ATP8B2: variants seen among roughly 807,000 people sequenced by gnomAD.
ATP8B2 encodes ATPase phospholipid transporting 8B2, also known as phospholipid-transporting ATPase ID.
Under a neutral mutation model 133.4 loss-of-function variants are expected in ATP8B2, and 70 were observed. The ratio of observed to expected loss-of-function variants is 0.52; its 90% CI spans 0.43 to 0.64. The LOEUF (loss-of-function observed/expected upper bound fraction) is 0.64. Ranked by LOEUF, ATP8B2 falls within the 30% of genes least tolerant of loss-of-function variation. ATP8B2 has a pLI of 0.00. For missense variants in ATP8B2, 1,101 were observed against 1,535.7 expected, an observed-to-expected ratio of 0.72 and a Z score of 4.73; for synonymous variants, 517 against 589.5, an observed-to-expected ratio of 0.88 and a Z score of 1.78.
intron 2 of ATP8B2, chr1:154,329,209 G>C (rs1264912595): frequency 1.2e-6 from 1 of 859,788 alleles, no homozygotes; most frequent in East Asian, 8.0e-5. Context: ...GGCTCCGAAG[G>C]ATCCAGTCCC....
Position 154,328,984 on chromosome 1 carries a change from G to C in ATP8B2, c.31+812G>C. The C allele has an allele frequency of 7.7e-7, 1 of 1,304,132 alleles. No individual in the cohort carries two copies. The highest frequency in any genetic ancestry group is 1.0e-6 in the Non-Finnish European group (1 of 988,884). 80.8% of individuals were successfully genotyped at this position (1,304,132 alleles called of 1,614,324 possible). On this transcript the variant is annotated intron_variant, in intron 2 of 27. Coordinates refer to ENST00000368489, the MANE Select transcript of ATP8B2 (RefSeq NM_001370597.1). This position sits in a 1 kb window ranked among gnomAD's most constrained non-coding sequence, Gnocchi z 4.6. ...GTCTGCCCTCCCCCACTCAAACCGG[G>C]ATCATGACGGTCCCCAAGGAGATGC...
rs1686699394 is a variant in ATP8B2, at chr1:154,349,068, G to A, written c.3523G>A (p.Asp1175Asn). The A allele has an allele frequency of 6.2e-7, 1 of 1,614,232 alleles. No homozygotes were observed. Among genetic ancestry groups the A allele is most frequent in the East Asian group, 2.2e-5 (1 of 44,878 alleles). ...WIESLRRKKS[D>N]SASSPSGGAD... ...TGAGAGCCTGCGCAGGAAGAAGAGT[G>A]ACAGTGCCAGTAGCCCCAGTGGCGG... The change falls in exon 28 of 28, where the codon GAC (aspartate) becomes AAC (asparagine). Residue 1175 changes from aspartate (D) to asparagine (N), a missense_variant. Asp to Asn is a conservative substitution (Grantham distance 23). Coordinates refer to ENST00000368489, the MANE Select transcript of ATP8B2 (RefSeq NM_001370597.1).
Position 154,344,263 on chromosome 1 carries a change from C to T in ATP8B2, c.2035+9C>T, listed in dbSNP as rs755441999. 1.9e-6 allele frequency: 3 copies of T among 1,614,172 alleles called. No homozygotes were observed. The highest frequency in any genetic ancestry group is 2.5e-6 in the Non-Finnish European group (3 of 1,180,032). Reference sequence around the variant, plus strand: ...AACCGGAGACAAGCAAGGTGAGAGCCCAGCAGGGCAGAGCCAGTTGCAACT... The same window carrying T: ...AACCGGAGACAAGCAAGGTGAGAGCTCAGCAGGGCAGAGCCAGTTGCAACT... On this transcript the variant is annotated intron_variant, in intron 19 of 27. Coordinates refer to ENST00000368489, the MANE Select transcript of ATP8B2 (RefSeq NM_001370597.1). The surrounding 1 kb of genome is among the most constrained non-coding windows in gnomAD (Gnocchi z 4.1).
Position 154,331,244 on chromosome 1 carries a change from G to A in ATP8B2, c.303+98G>A. 1 of 1,231,260 alleles carries A rather than the reference G, an allele frequency of 8.1e-7. No individual in the cohort carries two copies. The highest frequency in any genetic ancestry group is 1.2e-6 in the Non-Finnish European group (1 of 867,300). The allele number at this position is 1,231,260 out of a possible 1,614,324, so 76.3% of individuals were successfully genotyped here. ...CCACCTTCATCCAGCACAATTTCTT[G>A]GTGACCTTGACATCCCTTACCCGGT... On this transcript the variant is annotated intron_variant, in intron 5 of 27. Coordinates refer to ENST00000368489, the MANE Select transcript of ATP8B2 (RefSeq NM_001370597.1). The surrounding 1 kb of genome is among the most constrained non-coding windows in gnomAD (Gnocchi z 4.8).
Position 154,328,188 on chromosome 1 carries a change from A to C in ATP8B2, c.31+16A>C, listed in dbSNP as rs1420573291. On this transcript the variant is annotated intron_variant, in intron 2 of 27. Coordinates refer to ENST00000368489, the MANE Select transcript of ATP8B2 (RefSeq NM_001370597.1). This position sits in a 1 kb window ranked among gnomAD's most constrained non-coding sequence, Gnocchi z 4.6. ...CGCCCCCCAGGTAAGACAGGCAAGG[A>C]GGGGAGATCCCGGGAACCATCAAGA... 2 of 1,610,272 alleles carry C rather than the reference A, an allele frequency of 1.2e-6. No individual in the cohort carries two copies. The highest frequency in any genetic ancestry group is 1.7e-6 in the Non-Finnish European group (2 of 1,176,804).
chr1:154,343,850 C>A lies in ATP8B2; in HGVS notation c.1759-43C>A. On this transcript the variant is annotated intron_variant, in intron 17 of 27. Transcript: ENST00000368489. The surrounding 1 kb of genome is among the most constrained non-coding windows in gnomAD (Gnocchi z 5.8). The stretch of plus-strand genomic sequence containing the variant: ...TTGTCGCCCTCACGCTGTCCATTAG[C>A]TCTCCAGACTTACCCAGGTGTGCCT... 1 of 1,566,600 alleles carries A rather than the reference C, an allele frequency of 6.4e-7. No homozygotes were observed. Among genetic ancestry groups the A allele is most frequent in the Non-Finnish European group, 8.6e-7 (1 of 1,157,000 alleles).
Position 154,328,992 on chromosome 1 carries a change from C to T in ATP8B2, c.31+820C>T, listed in dbSNP as rs1473414018. 1 of 1,304,060 alleles carries T rather than the reference C, an allele frequency of 7.7e-7. No individual in the cohort carries two copies. Among genetic ancestry groups the T allele is most frequent in the South Asian group, 1.2e-5 (1 of 81,020 alleles). 80.8% of individuals were successfully genotyped at this position (1,304,060 alleles called of 1,614,324 possible). A position where few individuals can be genotyped will look rare whatever the true frequency, so the allele number is the denominator to read the frequency against. On this transcript the variant is annotated intron_variant, in intron 2 of 27. Coordinates refer to ENST00000368489, the MANE Select transcript of ATP8B2 (RefSeq NM_001370597.1). The surrounding 1 kb of genome is among the most constrained non-coding windows in gnomAD (Gnocchi z 4.6). ...TCCCCCACTCAAACCGGGATCATGACGGTCCCCAAGGAGATGCCCGAGAAG... is the reference window on the plus strand; with the variant it reads ...TCCCCCACTCAAACCGGGATCATGATGGTCCCCAAGGAGATGCCCGAGAAG...
rs1445739707 is a variant in ATP8B2 at position 154,334,876 on chromosome 1, G to C, written c.837+285G>C. On this transcript the variant is annotated intron_variant, in intron 11 of 27. Coordinates refer to ENST00000368489, the MANE Select transcript of ATP8B2 (RefSeq NM_001370597.1). The surrounding 1 kb of genome is among the most constrained non-coding windows in gnomAD (Gnocchi z 4.6). Reference sequence around the variant, plus strand: ...GACTTTGTGAAGCATGTGACCTTCTGTTTGCTTTTGCCAGGGACAAGGAGG... The same window carrying C: ...GACTTTGTGAAGCATGTGACCTTCTCTTTGCTTTTGCCAGGGACAAGGAGG... Among the ~76,000 whole-genome samples, 1 of 152,122 alleles carries C rather than the reference G, an allele frequency of 6.6e-6. No individual in the cohort carries two copies. Among genetic ancestry groups the C allele is most frequent in the Non-Finnish European group, 1.5e-5 (1 of 68,032 alleles).
rs1686361275 is a variant in ATP8B2, at chr1:154,340,984, A to G, written c.1165A>G (p.Ile389Val). 6.2e-7 allele frequency: 1 copy of G among 1,614,076 alleles called. No individual in the cohort carries two copies. Among genetic ancestry groups the G allele is most frequent in the African/African-American group, 1.3e-5 (1 of 74,930 alleles). ...CGAGGAGCTGGGCCAGGTGGAGTACATCTTCTCCGACAAGACGGGCACCCT... is the reference window on the plus strand; with the variant it reads ...CGAGGAGCTGGGCCAGGTGGAGTACGTCTTCTCCGACAAGACGGGCACCCT... ...LNEELGQVEY[I>V]FSDKTGTLTQ... is the part of the protein sequence containing the mutation. Residue 389 changes from isoleucine (I) to valine (V), a missense_variant, in exon 13 of 28, where the codon ATC (isoleucine) becomes GTC (valine). By Grantham distance (29) the Ile-to-Val change is conservative. Transcript: ENST00000368489. The surrounding 1 kb of genome is among the most constrained non-coding windows in gnomAD (Gnocchi z 4.0).
chr1:154,339,664 G>A (rs970458471), intron 12 of ATP8B2, among the ~76,000 whole-genome samples: 2 of 152,172 alleles, frequency 1.3e-5, no homozygotes, highest in African/African-American at 2.4e-5. Flanking sequence ...GAGGCTAAGA[G>A]GGGGTTGAAG....
chr1:154,336,113 T>C (rs879274249), intron 11 of ATP8B2, among the ~76,000 whole-genome samples: 3 of 152,124 alleles, frequency 2.0e-5, no homozygotes, highest in Admixed American at 2.0e-4. Flanking sequence ...TGTTGGCTTG[T>C]ACCTAGCCCA....
rs780276921 is a variant in ATP8B2, at chr1:154,344,548, C to T, written c.2141+48C>T. The T allele has an allele frequency of 6.2e-7, 1 of 1,613,366 alleles. No homozygotes were observed. Among genetic ancestry groups the T allele is most frequent in the South Asian group, 1.1e-5 (1 of 91,072 alleles). On this transcript the variant is annotated intron_variant, in intron 20 of 27. Transcript: ENST00000368489. The surrounding 1 kb of genome is among the most constrained non-coding windows in gnomAD (Gnocchi z 4.1). The stretch of plus-strand genomic sequence containing the variant: ...GCGGTGCTGTGCGTTGTGCCCAGGG[C>T]TCAGGTGGGGGTTTCTGGACCATTT...
chr1:154,340,662 GT>G lies in ATP8B2; in HGVS notation c.1035-190del. ...AGCATCAGGAGGGTCGGGTCGGGGC[GT>G]TCCTCTGCTGGCTGTGTGCAGCCGG... On this transcript the variant is annotated intron_variant, in intron 12 of 27. Transcript: ENST00000368489. This position sits in a 1 kb window ranked among gnomAD's most constrained non-coding sequence, Gnocchi z 4.0. The G allele has an allele frequency of 1.6e-6, 1 of 617,444 alleles. No homozygotes were observed. Among genetic ancestry groups the G allele is most frequent in the Non-Finnish European group, 2.9e-6 (1 of 340,992 alleles). The allele number at this position is 617,444 out of a possible 1,614,324, so 38.2% of individuals were successfully genotyped here. A position where few individuals can be genotyped will look rare whatever the true frequency, so the allele number is the denominator to read the frequency against.
In ATP8B2 at chr1:154,346,815, C is replaced by T; in HGVS notation, c.3163+57C>T. 1 of 1,572,360 alleles carries T rather than the reference C, an allele frequency of 6.4e-7. No homozygotes were observed. The highest frequency in any genetic ancestry group is 8.7e-7 in the Non-Finnish European group (1 of 1,148,954). On this transcript the variant is annotated intron_variant, in intron 26 of 27. Coordinates refer to ENST00000368489, the MANE Select transcript of ATP8B2 (RefSeq NM_001370597.1). This position sits in a 1 kb window ranked among gnomAD's most constrained non-coding sequence, Gnocchi z 4.5. ...GGAATCACAGCTGTTCTGGGACTAA[C>T]AGGACCATCAGCTAATCTGCACATT...
intron 9 of ATP8B2, among the ~76,000 whole-genome samples, chr1:154,333,759 C>T (rs1466605417): frequency 4.0e-5 from 6 of 150,962 alleles, no homozygotes; most frequent in African/African-American, 9.7e-5. Context: ...CTCAGCCTCC[C>T]GATTAGCTAG....
In ATP8B2 at chr1:154,343,837, C is replaced by A; in HGVS notation, c.1759-56C>A. 6.5e-7 allele frequency: 1 copy of A among 1,547,158 alleles called. No individual in the cohort carries two copies. Among genetic ancestry groups the A allele is most frequent in the South Asian group, 1.2e-5 (1 of 82,210 alleles). On this transcript the variant is annotated intron_variant, in intron 17 of 27. Transcript: ENST00000368489. The surrounding 1 kb of genome is among the most constrained non-coding windows in gnomAD (Gnocchi z 5.8). ...GCAGGATTATTCATTGTCGCCCTCA[C>A]GCTGTCCATTAGCTCTCCAGACTTA...
rs1217810857 is a variant in ATP8B2, at chr1:154,344,052, A to C, written c.1918A>C (p.Met640Leu). The change falls in exon 18 of 28, where the codon ATG becomes CTG. Residue 640 changes from methionine to leucine, a missense_variant. Coordinates refer to ENST00000368489, the MANE Select transcript of ATP8B2 (RefSeq NM_001370597.1). The surrounding 1 kb of genome is among the most constrained non-coding windows in gnomAD (Gnocchi z 4.1). ...ASIYEEVENN[M>L]MLLGATAIED... ...CATCTATGAGGAGGTTGAGAACAAC[A>C]TGATGGTACGGGCTGCGGGACGGGC... The C allele has an allele frequency of 9.9e-6, 16 of 1,613,886 alleles. No homozygotes were observed. Among genetic ancestry groups the C allele is most frequent in the African/African-American group, 1.3e-5 (1 of 74,946 alleles).
chr1:154,328,851 G>T lies in ATP8B2; in HGVS notation c.31+679G>T, dbSNP rs1056784335. ...GCCGGGAGGATGGCCTGGGCTGCGGGTGGGGCGCGCGCCCGACGGCTGGGG... is the reference window on the plus strand; with the variant it reads ...GCCGGGAGGATGGCCTGGGCTGCGGTTGGGGCGCGCGCCCGACGGCTGGGG... On this transcript the variant is annotated intron_variant, in intron 2 of 27. Transcript: ENST00000368489. The surrounding 1 kb of genome is among the most constrained non-coding windows in gnomAD (Gnocchi z 4.6). The T allele has an allele frequency of 8.8e-7, 1 of 1,138,246 alleles. No homozygotes were observed. Among genetic ancestry groups the T allele is most frequent in the South Asian group, 1.8e-5 (1 of 56,986 alleles). 70.5% of individuals were successfully genotyped at this position (1,138,246 alleles called of 1,614,324 possible).
In ATP8B2 at chr1:154,348,485, G is replaced by A. The variant is rs144016958; in HGVS notation, c.3241G>A (p.Val1081Met). 78 of 1,614,138 alleles carry A rather than the reference G, an allele frequency of 4.8e-5. No individual in the cohort carries two copies. Among genetic ancestry groups the A allele is most frequent in the African/African-American group, 4.4e-4 (33 of 75,056 alleles). ...VLTTVVCIMP[V>M]VAFRFLRLNL... ...CACCACAGTCGTCTGCATCATGCCC[G>A]TGGTTGCCTTCCGATTCCTCAGGCT... The change falls in exon 27 of 28, where the codon GTG (valine) becomes ATG (methionine). Residue 1081 changes from valine (V) to methionine (M), a missense_variant. Transcript: ENST00000368489.
Sources: allele counts gnomAD v4.1 joint callset (sites outside exome capture counted in the v4.1 genomes callset), GRCh38; gene constraint gnomAD v4.1.1; non-coding constraint Gnocchi (gnomAD v3.1); transcripts MANE v1.5; gene names NCBI Gene and HGNC (gene_info 2026-07-23, HGNC 2026-07-21).